REC114: variants seen among roughly 807,000 people sequenced by gnomAD.
REC114 encodes the protein REC114 meiotic recombination protein, also known as meiotic recombination protein REC114.
REC114 carries 27 observed loss-of-function variants against 31.3 expected under a neutral mutation model. The observed-to-expected ratio is 0.86, with a 90% CI of 0.64 to 1.19. REC114 has a LOEUF of 1.19. Among genes scored for constraint, REC114 ranks in the 50% most tolerant of loss-of-function variants. The probability of loss-of-function intolerance (pLI) is 0.00; values close to 1 mark genes in which losing one functional copy is unlikely to be tolerated. For synonymous variants in REC114, 134 were observed against 127.7 expected (o/e 1.05, Z -0.33); for missense variants, 344 against 326.9 (o/e 1.05, Z -0.40).
intron 5 of REC114, among the ~76,000 whole-genome samples, 162 bp downstream of exon 5, chr15:73,556,553 A>G (rs945012501): frequency 2.0e-5 from 3 of 152,166 alleles, no homozygotes; most frequent in African/African-American, 4.8e-5. Context: ...TACCCCTTGC[A>G]GAGTTAAGTT....
chr15:73,448,726 G>A (rs796288880), intron 1 of REC114, among the ~76,000 whole-genome samples: 24 of 152,234 alleles, frequency 1.6e-4, no homozygotes, highest in African/African-American at 5.3e-4. Flanking sequence ...AGTAGGGGCC[G>A]ACAGACACCT....
At chr15:73,558,317 A>G (rs768483494) in intron 5 of REC114, among the ~76,000 whole-genome samples, 1 of 152,234 alleles carries the variant, frequency 6.6e-6, no homozygotes, top group African/African-American at 2.4e-5. Context: ...TCACAGAATT[A>G]ATGTGAGGAG....
Position 73,511,436 on chromosome 15 carries a change from T to G in REC114, c.250-29049T>G, listed in dbSNP as rs994198380. On this transcript the variant is annotated intron_variant, in intron 2 of 5. Coordinates refer to ENST00000331090, the MANE Select transcript of REC114 (RefSeq NM_001042367.2). ...TTTTTTGAATGGTTTTTTGTGTCTC[T>G]ATTTCCTTCAGTTCTGCTCTGATTT... 9.9e-3 allele frequency among the ~76,000 whole-genome samples: 1,502 copies of G among 152,286 alleles called. 30 individuals are homozygous for G. Among genetic ancestry groups the G allele is most frequent in the African/African-American group, 0.035 (1,434 of 41,554 alleles).
At chr15:73,558,097 T>C (rs1894498423) in intron 5 of REC114, among the ~76,000 whole-genome samples, 1 of 152,142 alleles carries the variant, frequency 6.6e-6, no homozygotes, top group South Asian at 2.1e-4. Flanking sequence ...CCAAGCACTT[T>C]GGGGGGCTGA....
intron 4 of REC114, among the ~76,000 whole-genome samples, chr15:73,554,918 C>T (rs887789686): frequency 1.3e-5 from 2 of 152,242 alleles, no homozygotes; most frequent in African/African-American, 4.8e-5. Context: ...ACACTAGGCA[C>T]TAGAGGCTGC....
chr15:73,448,987 A>C (rs1215231869), intron 1 of REC114, among the ~76,000 whole-genome samples: 1 of 152,172 alleles, frequency 6.6e-6, no homozygotes, highest in Non-Finnish European at 1.5e-5. Flanking sequence ...GACCCCACCC[A>C]AAGGTCACCA....
At chr15:73,520,356 A>T (rs1254187992) in intron 2 of REC114, among the ~76,000 whole-genome samples, 4 of 151,892 alleles carry the variant, frequency 2.6e-5, no homozygotes, top group Non-Finnish European at 5.9e-5. Flanking sequence ...TCAGCCTCCT[A>T]AGTAGCTGGG....
rs114748467 is a variant in REC114, at chr15:73,501,657, C to G, written c.249+27736C>G. Among the ~76,000 whole-genome samples, 928 of 152,270 alleles carry G rather than the reference C, an allele frequency of 6.1e-3. 7 individuals carry two copies. The highest frequency in any genetic ancestry group is 0.021 in the African/African-American group (882 of 41,550). ...CTGGGGTTTCGTCATGTTGGCCAGG[C>G]TGGTCTCCGTCTCCTGACCTCAATT... On this transcript the variant is annotated intron_variant, in intron 2 of 5. Coordinates refer to ENST00000331090, the MANE Select transcript of REC114 (RefSeq NM_001042367.2).
chr15:73,456,672 T>G (rs1006721192), intron 1 of REC114, among the ~76,000 whole-genome samples: 2 of 152,194 alleles, frequency 1.3e-5, no homozygotes, highest in African/African-American at 4.8e-5. Flanking sequence ...AAGAGCCCTA[T>G]GAAGCAAATA....
chr15:73,534,797 C>G (rs557074679), intron 2 of REC114, among the ~76,000 whole-genome samples: 1 of 150,244 alleles, frequency 6.7e-6, no homozygotes, highest in Non-Finnish European at 1.5e-5. Context: ...ACTGGCAAAA[C>G]GAATCCAGCA....
intron 4 of REC114, among the ~76,000 whole-genome samples, chr15:73,554,633 G>A (rs1027676862): frequency 1.3e-5 from 2 of 152,268 alleles, no homozygotes; most frequent in Middle Eastern, 3.4e-3. Context: ...ACAGTTAAGA[G>A]GATCGCAGTT....
chr15:73,473,688 T>A, intron 1 of REC114, 144 bp from the exon 2 acceptor site: 1 of 570,472 alleles, frequency 1.8e-6, no homozygotes. Flanking sequence ...AGGGAAGGGT[T>A]ACAGATTAAA....
chr15:73,514,138 G>A (rs1413897380), intron 2 of REC114, among the ~76,000 whole-genome samples: 4 of 151,598 alleles, frequency 2.6e-5, no homozygotes, highest in Non-Finnish European at 5.9e-5. Flanking sequence ...GTGGGATATA[G>A]TCTCGTGGTG....
intron 2 of REC114, among the ~76,000 whole-genome samples, chr15:73,492,177 C>T (rs1375999444): frequency 6.6e-6 from 1 of 152,166 alleles, no homozygotes. Context: ...CTACTACACA[C>T]CCCACTCCGC....
chr15:73,558,736 T>A, intron 5 of REC114, among the ~76,000 whole-genome samples: 1 of 152,246 alleles, frequency 6.6e-6, no homozygotes, highest in East Asian at 1.9e-4. Flanking sequence ...ACAGCCACTA[T>A]AGATGACAGT....
chr15:73,500,715 C>G (rs1214768244), intron 2 of REC114, among the ~76,000 whole-genome samples: 1 of 141,880 alleles, frequency 7.0e-6, no homozygotes, highest in Non-Finnish European at 1.5e-5. Context: ...AAAGCCTGTT[C>G]TCTTCAATTA....
At chr15:73,522,467 C>T (rs1893950339) in intron 2 of REC114, among the ~76,000 whole-genome samples, 1 of 152,134 alleles carries the variant, frequency 6.6e-6, no homozygotes, top group African/African-American at 2.4e-5. Flanking sequence ...TATAAATATT[C>T]CCCACATTGA....
At chr15:73,521,535 C>G (rs1188511870) in intron 2 of REC114, among the ~76,000 whole-genome samples, 2 of 151,862 alleles carry the variant, frequency 1.3e-5, no homozygotes, top group South Asian at 2.1e-4. Flanking sequence ...CAAAAAAAAT[C>G]AAGAAAGCCC....
At chr15:73,469,239 C>T (rs1417714380) in intron 1 of REC114, among the ~76,000 whole-genome samples, 1 of 152,106 alleles carries the variant, frequency 6.6e-6, no homozygotes, top group Non-Finnish European at 1.5e-5. Flanking sequence ...TCTGTTTCCC[C>T]TTACAGTTCT....
Sources: gnomAD v4.1 joint callset for allele counts (sites outside exome capture counted in the v4.1 genomes callset) on GRCh38, gnomAD v4.1.1 for gene constraint, MANE v1.5 for transcripts, NCBI Gene and HGNC (gene_info 2026-07-23, HGNC 2026-07-21) for gene names.